EML5: variants seen among roughly 807,000 people sequenced by gnomAD.
The protein encoded by EML5 is EMAP like 5.
EML5 carries 120 observed loss-of-function variants against 250.0 expected under a neutral mutation model. That is an observed-to-expected ratio of 0.48 (90% CI 0.41 to 0.56). The LOEUF is 0.56. EML5 is among the 20% of genes least tolerant of loss of function. The probability of loss-of-function intolerance (pLI) is 0.00; values close to 1 mark genes in which losing one functional copy is unlikely to be tolerated. For synonymous variants in EML5, 771 were observed against 806.5 expected, an observed-to-expected ratio of 0.96 and a Z score of 0.75; for missense variants, 2,006 against 2,437.6, an observed-to-expected ratio of 0.82 and a Z score of 3.73.
chr14:88,767,589 G>A (rs1048465219), intron 1 of EML5, among the ~76,000 whole-genome samples: 3 of 151,916 alleles, frequency 2.0e-5, no homozygotes, highest in African/African-American at 7.3e-5. Context: ...ATATATTCTT[G>A]GTACAATTCT....
chr14:88,721,140 T>C (rs1476978909), intron 8 of EML5, among the ~76,000 whole-genome samples: 63 of 152,006 alleles, frequency 4.1e-4, no homozygotes, highest in Non-Finnish European at 4.4e-5. Context: ...ATGAAAATAT[T>C]CCATGCTCCT....
intron 1 of EML5, among the ~76,000 whole-genome samples, chr14:88,760,749 A>T (rs2094228540): frequency 6.6e-6 from 1 of 152,214 alleles, no homozygotes; most frequent in South Asian, 2.1e-4. Context: ...TTTGAAGAGA[A>T]GTGACATCTT....
In EML5 at chr14:88,626,885, G is replaced by T; in HGVS notation, c.4693C>A (p.Leu1565Met). 6.2e-7 allele frequency: 1 copy of T among 1,613,960 alleles called. No individual in the cohort carries two copies. The highest frequency in any genetic ancestry group is 8.5e-7 in the Non-Finnish European group (1 of 1,179,856). ...ATGGTCTGCATCCGGGCATCTTCCA[G>T]TGTGCTCAGTAGCCCTTTTTTGCTA... ...LLSKKGLLST[L>M]EDARMQTMLA... Residue 1565 changes from leucine to methionine, a missense_variant, in exon 35 of 44, where the codon CTG becomes ATG. This residue lies in a region of EML5 where 405 missense variants were observed against 523.3 expected (regional missense o/e 0.77). Transcript: ENST00000554922.
At chr14:88,755,644 C>T (rs141517217) in intron 1 of EML5, among the ~76,000 whole-genome samples, 1 of 152,102 alleles carries the variant, frequency 6.6e-6, no homozygotes, top group East Asian at 1.9e-4. Flanking sequence ...ACAAGAAAAT[C>T]ACACCTGGCA....
Position 88,661,729 on chromosome 14 carries a change from G to C in EML5, c.3600C>G (p.Cys1200Trp). 1 of 1,613,652 alleles carries C rather than the reference G, an allele frequency of 6.2e-7. No individual in the cohort carries two copies. Among genetic ancestry groups the C allele is most frequent in the Non-Finnish European group, 8.5e-7 (1 of 1,179,754 alleles). Reference protein sequence around the residue: ...IGEVTDVTASCLTSDKMVLAT... With the variant: ...IGEVTDVTASWLTSDKMVLAT... ...CTAGAACCATTTTGTCACTGGTGAG[G>C]CAAGAAGCAGTTACATCTGTAACTT... The change falls in exon 25 of 44, where the codon TGC becomes TGG. Residue 1200 changes from cysteine to tryptophan, a missense_variant. Around this residue, in one of 7 missense-constraint regions of EML5, gnomAD observed 1,375 missense variants for 1,590.3 expected, o/e 0.86. Transcript: ENST00000554922.
intron 1 of EML5, among the ~76,000 whole-genome samples, chr14:88,771,413 T>G (rs2094392063): frequency 6.6e-6 from 1 of 152,200 alleles, no homozygotes; most frequent in African/African-American, 2.4e-5. Flanking sequence ...GTGTTCTAGG[T>G]CCCATTCTCC....
chr14:88,721,976 A>C (rs1286106560), intron 8 of EML5, among the ~76,000 whole-genome samples: 2 of 152,228 alleles, frequency 1.3e-5, no homozygotes, highest in Non-Finnish European at 2.9e-5. Flanking sequence ...CACTTTTTGA[A>C]AGACAACATT....
chr14:88,731,509 A>G (rs2093757921), intron 7 of EML5, among the ~76,000 whole-genome samples: 1 of 152,136 alleles, frequency 6.6e-6, no homozygotes, highest in Non-Finnish European at 1.5e-5. Flanking sequence ...TGCTATTGTG[A>G]ATAGTGCCAC....
chr14:88,677,980 A>C (rs998746365), intron 21 of EML5, among the ~76,000 whole-genome samples: 5 of 152,204 alleles, frequency 3.3e-5, no homozygotes, highest in African/African-American at 1.2e-4. Flanking sequence ...TATTACAAAG[A>C]TACATGCACA....
At chr14:88,634,194 C>G (rs1423403563) in intron 33 of EML5, among the ~76,000 whole-genome samples, 1 of 152,110 alleles carries the variant, frequency 6.6e-6, no homozygotes, top group Admixed American at 6.5e-5. Flanking sequence ...TGTAGTACCT[C>G]CCCTTTCTCT....
intron 1 of EML5, among the ~76,000 whole-genome samples, chr14:88,772,129 C>G (rs1173236001): frequency 1.3e-5 from 2 of 152,194 alleles, no homozygotes; most frequent in Non-Finnish European, 2.9e-5. Context: ...TTGCTCAGAC[C>G]AAGAAGCTAA....
At chr14:88,726,803 C>A in intron 7 of EML5, 125 bp from the exon 8 acceptor site, 1 of 678,382 alleles carries the variant, frequency 1.5e-6, no homozygotes, top group Non-Finnish European at 2.3e-6. Flanking sequence ...TGTTGTGTGG[C>A]AAGAAATTCT....
intron 8 of EML5, 47 bp downstream of exon 8, chr14:88,726,494 T>C (rs767527009): frequency 6.6e-7 from 1 of 1,517,534 alleles, no homozygotes; most frequent in Non-Finnish European, 8.9e-7. Flanking sequence ...TTATATTCTG[T>C]ATCACTGAAG....
chr14:88,644,557 G>GAAGGCA, intron 29 of EML5, 46 bp from the exon 30 acceptor site: 1 of 1,563,970 alleles, frequency 6.4e-7, no homozygotes, highest in Non-Finnish European at 8.8e-7. Context: ...AGCACTCAGT[G>GAAGGCA]CCTTCACTGA....
intron 1 of EML5, among the ~76,000 whole-genome samples, chr14:88,786,476 C>A (rs1437652320): frequency 6.6e-6 from 1 of 152,092 alleles, no homozygotes. Flanking sequence ...GCTGAAAGAA[C>A]AAGTAAACCA....
At chr14:88,751,553 A>C (rs2094095616) in intron 2 of EML5, among the ~76,000 whole-genome samples, 1 of 152,074 alleles carries the variant, frequency 6.6e-6, no homozygotes, top group South Asian at 2.1e-4. Flanking sequence ...TCGAATAAAG[A>C]GAGAATTCAG....
intron 21 of EML5, among the ~76,000 whole-genome samples, chr14:88,673,490 C>T (rs546494051): frequency 3.0e-4 from 45 of 152,322 alleles, no homozygotes; most frequent in African/African-American, 1.0e-3. Flanking sequence ...CTTCTCTCAC[C>T]ACTCCTATTC....
chr14:88,638,225 GT>G (rs1261855675), intron 32 of EML5, among the ~76,000 whole-genome samples: 4 of 152,186 alleles, frequency 2.6e-5, no homozygotes, highest in Admixed American at 6.5e-5. Context: ...CCTCTCATCA[GT>G]TTGGCTGTAG....
Position 88,694,334 on chromosome 14 carries a change from T to G in EML5, c.2512A>C (p.Lys838Gln). The G allele has an allele frequency of 6.3e-7, 1 of 1,591,574 alleles. No homozygotes were observed. Among genetic ancestry groups the G allele is most frequent in the South Asian group, 1.1e-5 (1 of 87,016 alleles). The change falls in exon 17 of 44, where the codon AAA (lysine) becomes CAA (glutamine). Residue 838 changes from lysine to glutamine, a missense_variant. Around this residue, in one of 7 missense-constraint regions of EML5, gnomAD observed 1,375 missense variants for 1,590.3 expected, o/e 0.86. Coordinates refer to ENST00000554922, the MANE Select transcript of EML5 (RefSeq NM_183387.3). ...VPDKLITAGI[K>Q]HMKFWRKAGG... ...GCTTTACGCCAAAATTTCATGTGTT[T>G]AATTCCAGCTGTAATTAGTTTATCA...
Sources: gnomAD v4.1 joint callset for allele counts (sites outside exome capture counted in the v4.1 genomes callset) on GRCh38, gnomAD v4.1.1 for gene constraint, gnomAD v4.1.1 regional missense constraint, MANE v1.5 for transcripts, NCBI Gene and HGNC (gene_info 2026-07-23, HGNC 2026-07-21) for gene names.